Variants in NOP14 observed in about 807,000 individuals in gnomAD.
NOP14 encodes the protein NOP14 nucleolar protein.
NOP14 carries 57 observed loss-of-function variants against 101.6 expected under a neutral mutation model. The observed-to-expected ratio is 0.56, with a 90% CI of 0.45 to 0.70. The LOEUF is 0.70. Among genes scored for constraint, NOP14 ranks in the 30% least tolerant of loss-of-function variants. The probability of loss-of-function intolerance (pLI) is 0.00; values close to 1 mark genes in which losing one functional copy is unlikely to be tolerated. For missense variants in NOP14, 1,134 were observed against 1,075.5 expected, an observed-to-expected ratio of 1.05 and a Z score of -0.76; for synonymous variants, 428 against 424.0, an observed-to-expected ratio of 1.01 and a Z score of -0.12.
intron 13 of NOP14, among the ~76,000 whole-genome samples, chr4:2,943,388 C>G (rs1714367876): frequency 1.3e-5 from 2 of 152,222 alleles, no homozygotes; most frequent in African/African-American, 4.8e-5. Context: ...GAGGCGTCCA[C>G]AGACATGGAA....
In NOP14 at chr4:2,963,293, C is replaced by T. The variant is rs1716296023; in HGVS notation, c.27G>A (p.Ala9=). The T allele has an allele frequency of 1.3e-6, 2 of 1,594,318 alleles. No homozygotes were observed. The highest frequency in any genetic ancestry group is 2.4e-5 in the East Asian group (1 of 42,226). The change falls in exon 1 of 18, where the codon GCG becomes GCA. Residue 9 remains alanine, a synonymous_variant. Transcript: ENST00000416614. ...CCGGCGCCCCGGAGGCCTTCCTTCG[C>T]GCCCCGACCTTCTTCGCCTTCGCCA... MAKAKKVG[A]RRKASGAPAG... is the part of the protein sequence containing the mutation.
intron 3 of NOP14, among the ~76,000 whole-genome samples, chr4:2,955,817 G>C (rs958915600): frequency 7.2e-5 from 11 of 152,228 alleles, no homozygotes; most frequent in Non-Finnish European, 1.6e-4. Flanking sequence ...GGGCCTCCTG[G>C]TGTGCCGCAG....
intron 2 of NOP14, 97 bp downstream of exon 2, chr4:2,957,509 C>T (rs1346497525): frequency 6.8e-7 from 1 of 1,475,520 alleles, no homozygotes; most frequent in East Asian, 2.3e-5. Flanking sequence ...TTCCGAGTGC[C>T]CAGGAACATG....
At chr4:2,941,787 C>T in intron 14 of NOP14, 58 bp from the exon 15 acceptor site, 1 of 1,553,122 alleles carries the variant, frequency 6.4e-7, no homozygotes, top group South Asian at 1.2e-5. Flanking sequence ...CTGACAAAAC[C>T]AATAACGTGG....
chr4:2,952,869 GGAGGTGGAGGTTGCAGT>G (rs1436479478), intron 5 of NOP14, among the ~76,000 whole-genome samples: 1 of 152,262 alleles, frequency 6.6e-6, no homozygotes, highest in Non-Finnish European at 1.5e-5. Flanking sequence ...CTTGAACCCA[GGAGGTGGAGGTTGCAGT>G]GAGGTGGAGG....
rs1714739308 is a variant in NOP14, at chr4:2,947,546, T to C, written c.1479A>G (p.Thr493=). Residue 493 remains threonine (T), a synonymous_variant, in exon 10 of 18, where the codon ACA becomes ACG. Transcript: ENST00000416614. Reference sequence around the variant, plus strand: ...CTTACACAACCAACTTATCAATGACTGTGAGGTCTGGTGGGTCATCTGTAG... The same window carrying C: ...CTTACACAACCAACTTATCAATGACCGTGAGGTCTGGTGGGTCATCTGTAG... The part of the protein sequence containing the change: ...DLATDDPPDL[T]VIDKLVVHLY... 3 of 1,613,610 alleles carry C rather than the reference T, an allele frequency of 1.9e-6. No homozygotes were observed. The highest frequency in any genetic ancestry group is 2.5e-6 in the Non-Finnish European group (3 of 1,179,514).
chr4:2,952,429 A>G, intron 5 of NOP14, 32 bp from the exon 6 acceptor site: 2 of 1,534,206 alleles, frequency 1.3e-6, no homozygotes, highest in Non-Finnish European at 1.8e-6. Context: ...CTTCATTTTA[A>G]AAATATATTT....
Position 2,955,034 on chromosome 4 carries a change from G to A in NOP14, c.473-471C>T, listed in dbSNP as rs555752815. The stretch of plus-strand genomic sequence containing the variant: ...CGGCGCCCCCTCTAGTCACCTCCAC[G>A]CCACGGCGCCCCCTCTAGTCACCTG... On this transcript the variant is annotated intron_variant, in intron 3 of 17. Coordinates refer to ENST00000416614, the MANE Select transcript of NOP14 (RefSeq NM_001291978.2). 2.4e-4 allele frequency among the ~76,000 whole-genome samples: 26 copies of A among 106,618 alleles called. 1 individual carries two copies. The highest frequency in any genetic ancestry group is 6.8e-4 in the South Asian group (2 of 2,940). 69.9% of individuals were successfully genotyped at this position (106,618 alleles called of 152,430 possible).
Position 2,944,125 on chromosome 4 carries a change from A to C in NOP14, c.1839T>G (p.Ile613Met). Reference sequence around the variant, plus strand: ...TGTAAAGAATCCCAAGAAGAAAATTAATAAGCTCAGGTATAAACCTCTGGG... The same window carrying C: ...TGTAAAGAATCCCAAGAAGAAAATTCATAAGCTCAGGTATAAACCTCTGGG... ...ALSQRFIPEL[I>M]NFLLGILYIA... The change falls in exon 13 of 18, where the codon ATT becomes ATG. Residue 613 changes from isoleucine to methionine, a missense_variant. Physicochemically the swap from Ile to Met is conservative, Grantham distance 10 (BLOSUM62 1). Transcript: ENST00000416614. The C allele has an allele frequency of 6.2e-7, 1 of 1,613,704 alleles. No individual in the cohort carries two copies.
intron 7 of NOP14, 170 bp from the exon 8 acceptor site, chr4:2,950,383 C>T (rs558200798): frequency 2.1e-5 from 14 of 661,890 alleles, no homozygotes; most frequent in Middle Eastern, 4.1e-4. Context: ...GCCCACCACC[C>T]GCTTCTAGGC....
At chr4:2,940,850 G>A (rs1250253855) in intron 15 of NOP14, 1 of 152,902 alleles carries the variant, frequency 6.5e-6, no homozygotes, top group Non-Finnish European at 1.5e-5. Flanking sequence ...AGCCAGGCCT[G>A]CGAGGAGGCC....
intron 10 of NOP14, 91 bp from the exon 11 acceptor site, chr4:2,946,638 G>A: frequency 1.7e-6 from 2 of 1,175,598 alleles, no homozygotes; most frequent in Non-Finnish European, 1.2e-6. Flanking sequence ...GCAGTCACCT[G>A]TTGACTGAGC....
At chr4:2,941,431 TATG>T (rs1341665134) in intron 15 of NOP14, 148 bp downstream of exon 15, 1 of 702,404 alleles carries the variant, frequency 1.4e-6, no homozygotes, top group South Asian at 1.8e-5. Flanking sequence ...TGCCCACTCT[TATG>T]ATTTTACTTC....
At chr4:2,944,609 G>T (rs1047432751) in intron 12 of NOP14, among the ~76,000 whole-genome samples, 1 of 152,162 alleles carries the variant, frequency 6.6e-6, no homozygotes, top group African/African-American at 2.4e-5. Flanking sequence ...GTTTCGCCAT[G>T]TTGGCCACAC....
intron 12 of NOP14, 89 bp from the exon 13 acceptor site, chr4:2,944,315 C>T: frequency 8.4e-7 from 1 of 1,195,256 alleles, no homozygotes; most frequent in Non-Finnish European, 1.2e-6. Context: ...GAACCACGCA[C>T]CCCACTGAGC....
At chr4:2,953,246 A>T (rs151306802) in intron 5 of NOP14, among the ~76,000 whole-genome samples, 1 of 152,238 alleles carries the variant, frequency 6.6e-6, no homozygotes, top group Non-Finnish European at 1.5e-5. Context: ...TCAGACACCT[A>T]TTCTAACGTG....
Position 2,941,709 on chromosome 4 carries a change from C to G in NOP14, c.2072G>C (p.Gly691Ala). Residue 691 changes from glycine (G) to alanine (A), a missense_variant, in exon 15 of 18, where the codon GGC (glycine) becomes GCC (alanine). Coordinates refer to ENST00000416614, the MANE Select transcript of NOP14 (RefSeq NM_001291978.2). ...CACGCAGCGCTTCAGCAGGGCCAGG[C>G]CCACAGCCAGGCAGGACAGTCTGTG... is the stretch of plus-strand genomic sequence containing the variant. ...NHIRLSCLAVGLALLKRCVLM... is the reference protein window; with the variant it reads ...NHIRLSCLAVALALLKRCVLM... The G allele has an allele frequency of 1.9e-6, 3 of 1,612,822 alleles. No homozygotes were observed. Among genetic ancestry groups the G allele is most frequent in the Non-Finnish European group, 2.5e-6 (3 of 1,179,776 alleles).
Position 2,938,517 on chromosome 4 carries a change from T to A in NOP14, c.*314A>T, listed in dbSNP as rs114255450. ...AAAACTCCGTCTCAAAAAAAAAAAT[T>A]TTTTTTTAAGCGACACAGTCTTGCA... On this transcript the variant is annotated 3_prime_UTR_variant, in exon 18 of 18. Transcript: ENST00000416614. 2.7e-6 allele frequency: 1 copy of A among 366,818 alleles called. No homozygotes were observed. Among genetic ancestry groups the A allele is most frequent in the East Asian group, 6.9e-5 (1 of 14,448 alleles). 22.7% of individuals were successfully genotyped at this position (366,818 alleles called of 1,614,324 possible).
At chr4:2,942,414 G>A in intron 13 of NOP14, 63 bp from the exon 14 acceptor site, 1 of 1,522,570 alleles carries the variant, frequency 6.6e-7, no homozygotes, top group Non-Finnish European at 9.0e-7. Context: ...AGCAGGCTCT[G>A]CGGCACCGAG....
Sources: gnomAD v4.1 joint callset for allele counts (sites outside exome capture counted in the v4.1 genomes callset) on GRCh38, gnomAD v4.1.1 for gene constraint, MANE v1.5 for transcripts, NCBI Gene and HGNC (gene_info 2026-07-23, HGNC 2026-07-21) for gene names.